The following TAF15 variants were observed in gnomAD, a reference collection of about 807,000 sequenced individuals.
The protein encoded by TAF15 is TATA-box binding protein associated factor 15, also known as TATA-binding protein-associated factor 2N.
A neutral mutation model predicts 102.5 loss-of-function variants in TAF15; 37 were observed. The ratio of observed to expected loss-of-function variants is 0.36; its 90% CI spans 0.28 to 0.47. The LOEUF (loss-of-function observed/expected upper bound fraction) is 0.47. Ranked by LOEUF, TAF15 falls within the 20% of genes least tolerant of loss-of-function variation. TAF15 has a pLI of 0.99. For missense variants in TAF15, 652 were observed against 760.7 expected (o/e 0.86, Z 1.68); for synonymous variants, 273 against 259.2 (o/e 1.05, Z -0.51).
intron 7 of TAF15, among the ~76,000 whole-genome samples, chr17:35,832,522 A>C (rs1370817785): frequency 6.6e-6 from 1 of 152,168 alleles, no homozygotes; most frequent in Admixed American, 6.5e-5. Context: ...TTTATAGGGT[A>C]GGGTAATCAC....
At position 35,820,542 on chromosome 17, in the gene TAF15, TA is replaced by T. The variant is rs967882380; in HGVS notation, c.290+108del. ...CCTAGCTTTAAACTTTTTTTTTTTTTAAAGGAAATTTTAATGGAGTGTGGAT... is the reference window on the plus strand; with the variant it reads ...CCTAGCTTTAAACTTTTTTTTTTTTTAAGGAAATTTTAATGGAGTGTGGAT... On this transcript the variant is annotated intron_variant, in intron 5 of 15. Coordinates refer to ENST00000605844, the MANE Select transcript of TAF15 (RefSeq NM_139215.3). The T allele has an allele frequency of 2.7e-4, 261 of 965,006 alleles. No homozygotes were observed. In the African/African-American group the frequency reaches 3.1e-3, roughly 11 times the overall value. The allele number at this position is 965,006 out of a possible 1,614,324, so 59.8% of individuals were successfully genotyped here. A position where few individuals can be genotyped will look rare whatever the true frequency, so the allele number is the denominator to read the frequency against.
In TAF15 at chr17:35,831,910, G is replaced by A. The variant is rs561067956; in HGVS notation, c.606-1997G>A. On this transcript the variant is annotated intron_variant, in intron 7 of 15. Transcript: ENST00000605844. ...ATCCTGGCCAACACAGTGAAACCCCGTCTCTACTAAAAATACAAAAAATTA... is the reference window on the plus strand; with the variant it reads ...ATCCTGGCCAACACAGTGAAACCCCATCTCTACTAAAAATACAAAAAATTA... Among the ~76,000 whole-genome samples, 224 of 151,528 alleles carry A rather than the reference G, an allele frequency of 1.5e-3. 1 individual carries two copies. Among genetic ancestry groups the A allele is most frequent in the African/African-American group, 5.0e-3 (206 of 41,292 alleles).
intron 1 of TAF15, chr17:35,811,367 G>A (rs945433656): frequency 1.3e-5 from 2 of 152,112 alleles, no homozygotes; most frequent in Non-Finnish European, 2.9e-5. Context: ...TTTAAAATAC[G>A]AAATTGGCTT....
intron 5 of TAF15, 51 bp downstream of exon 5, chr17:35,820,488 T>A: frequency 1.3e-6 from 2 of 1,538,854 alleles, no homozygotes; most frequent in Non-Finnish European, 1.8e-6. Flanking sequence ...GAAATAACAC[T>A]GATATTAAAC....
At chr17:35,817,495 C>A (rs1282914531) in intron 1 of TAF15, among the ~76,000 whole-genome samples, 1 of 151,890 alleles carries the variant, frequency 6.6e-6, no homozygotes, top group East Asian at 1.9e-4. Flanking sequence ...TTCTTGTGAC[C>A]CTAGCACACA....
chr17:35,815,300 T>C (rs1167227994), intron 1 of TAF15, among the ~76,000 whole-genome samples: 3 of 152,234 alleles, frequency 2.0e-5, no homozygotes, highest in South Asian at 2.1e-4. Flanking sequence ...TGTCAAATAA[T>C]CACAATGAAC....
intron 7 of TAF15, among the ~76,000 whole-genome samples, chr17:35,826,197 T>A (rs942022705): frequency 6.6e-6 from 1 of 152,190 alleles, no homozygotes; most frequent in Non-Finnish European, 1.5e-5. Flanking sequence ...CAAAATCATA[T>A]GCAGAAGTCC....
rs1317931466 is a variant in TAF15, at chr17:35,822,824, C to T, written c.475C>T (p.His159Tyr). The change falls in exon 6 of 16, where the codon CAC becomes TAC. Residue 159 changes from histidine to tyrosine, a missense_variant. His to Tyr is a moderately conservative substitution (Grantham distance 83, BLOSUM62 2). Transcript: ENST00000605844. ...TTCACAAAGGGAAAACTACAGCCAC[C>T]ACACACAAGGTAAGATTTACTGACC... ...YHSQRENYSH[H>Y]TQDDRRDVSR... 17 of 1,614,126 alleles carry T rather than the reference C, an allele frequency of 1.1e-5. No individual in the cohort carries two copies. Among genetic ancestry groups the T allele is most frequent in the Non-Finnish European group, 1.4e-5 (16 of 1,179,978 alleles).
intron 11 of TAF15, among the ~76,000 whole-genome samples, chr17:35,839,889 A>G (rs1483040511): frequency 6.6e-6 from 1 of 152,100 alleles, no homozygotes; most frequent in Non-Finnish European, 1.5e-5. Flanking sequence ...CAAATTCATC[A>G]TTTTTGTTGC....
At chr17:35,832,282 G>A (rs1457112786) in intron 7 of TAF15, among the ~76,000 whole-genome samples, 3 of 152,292 alleles carry the variant, frequency 2.0e-5, no homozygotes, top group East Asian at 3.9e-4. Flanking sequence ...TGTATAGGAA[G>A]GGCCTGAGTT....
chr17:35,836,255 TTA>T lies in TAF15; in HGVS notation c.783+18_783+19del, dbSNP rs751968033. 1.1e-4 allele frequency: 164 copies of T among 1,513,414 alleles called. No individual in the cohort carries two copies. Among genetic ancestry groups the T allele is most frequent in the Admixed American group, 1.5e-4 (9 of 59,824 alleles). The allele number at this position is 1,513,414 out of a possible 1,614,324, so 93.7% of individuals were successfully genotyped here. A position where few individuals can be genotyped will look rare whatever the true frequency, so the allele number is the denominator to read the frequency against. Reference sequence around the variant, plus strand: ...GGAATTATCAAGGTGAGTAAAAATATTATATGTTGAAAATCTCATAATTAATG... The same window carrying T: ...GGAATTATCAAGGTGAGTAAAAATATTATGTTGAAAATCTCATAATTAATG... On this transcript the variant is annotated intron_variant, in intron 10 of 15. Coordinates refer to ENST00000605844, the MANE Select transcript of TAF15 (RefSeq NM_139215.3).
intron 1 of TAF15, among the ~76,000 whole-genome samples, chr17:35,813,049 G>A (rs1019509284): frequency 1.4e-4 from 20 of 148,024 alleles, no homozygotes; most frequent in African/African-American, 4.5e-4. Context: ...ATTGGTTGAA[G>A]CTAGGAGGCA....
At chr17:35,836,857 A>T (rs2087481282) in intron 10 of TAF15, among the ~76,000 whole-genome samples, 1 of 151,620 alleles carries the variant, frequency 6.6e-6, no homozygotes, top group African/African-American at 2.4e-5. Flanking sequence ...GGCTCACTGC[A>T]GCCTCTGCCT....
At chr17:35,813,644 C>G (rs986216132) in intron 1 of TAF15, among the ~76,000 whole-genome samples, 2 of 101,682 alleles carry the variant, frequency 2.0e-5, no homozygotes, top group Admixed American at 2.1e-4. Context: ...CCCCCCCCCC[C>G]GCAAAAAAAG....
rs1321826060 is a variant in TAF15, at chr17:35,844,643, A to G, written c.1344A>G (p.Gly448=). The G allele has an allele frequency of 2.0e-4, 318 of 1,586,646 alleles. 5 individuals are homozygous for G. In the South Asian group the frequency reaches 2.1e-3, roughly 11 times the overall value. Residue 448 remains glycine, a synonymous_variant, in exon 15 of 16, where the codon GGA becomes GGG. Transcript: ENST00000605844. ...SGDRSGGGYG[G]DRSGGGYGGD... is the part of the protein sequence containing the mutation. ...ATAGAAGTGGGGGCGGCTATGGTGG[A>G]GACAGAAGTGGGGGTGGCTATGGTG...
At position 35,838,509 on chromosome 17, in the gene TAF15, T is replaced by A. The variant is rs540509097; in HGVS notation, c.869T>A (p.Phe290Tyr). The A allele has an allele frequency of 6.2e-7, 1 of 1,614,186 alleles. No homozygotes were observed. The highest frequency in any genetic ancestry group is 1.3e-5 in the African/African-American group (1 of 75,058). Residue 290 changes from phenylalanine to tyrosine, a missense_variant, in exon 11 of 16, where the codon TTT (phenylalanine) becomes TAT (tyrosine). By Grantham distance (22) the Phe-to-Tyr change is conservative. Transcript: ENST00000605844. ...CCAAAGGGGGAGGCAACAGTGTCATTTGATGACCCTCCTTCAGCTAAGGCA... is the reference window on the plus strand; with the variant it reads ...CCAAAGGGGGAGGCAACAGTGTCATATGATGACCCTCCTTCAGCTAAGGCA... ...GKPKGEATVS[F>Y]DDPPSAKAAI...
At chr17:35,820,620 T>G (rs2087247327) in intron 5 of TAF15, among the ~76,000 whole-genome samples, 183 bp downstream of exon 5, 1 of 152,166 alleles carries the variant, frequency 6.6e-6, no homozygotes, top group South Asian at 2.1e-4. Flanking sequence ...CATTTGATTC[T>G]TATGATGTAT....
chr17:35,827,686 CAA>C (rs375540414), intron 7 of TAF15, among the ~76,000 whole-genome samples: 3 of 148,530 alleles, frequency 2.0e-5, no homozygotes, highest in African/African-American at 7.5e-5. Flanking sequence ...GCCTGGGCAA[CAA>C]GAGTGAAACT....
In TAF15 at chr17:35,838,468, C is replaced by T; in HGVS notation, c.828C>T (p.Asp276=). Residue 276 remains aspartate, a synonymous_variant, in exon 11 of 16, where the codon GAC becomes GAT. Transcript: ENST00000605844. ...TGKPMINLYT[D]KDTGKPKGEA... ...AACCAATGATAAATCTTTATACAGA[C>T]AAGGACACAGGAAAGCCAAAGGGGG... 1 of 1,614,178 alleles carries T rather than the reference C, an allele frequency of 6.2e-7. No homozygotes were observed. Among genetic ancestry groups the T allele is most frequent in the Non-Finnish European group, 8.5e-7 (1 of 1,180,034 alleles).
Sources: gnomAD v4.1 joint callset for allele counts (sites outside exome capture counted in the v4.1 genomes callset) on GRCh38, gnomAD v4.1.1 for gene constraint, MANE v1.5 for transcripts, NCBI Gene and HGNC (gene_info 2026-07-23, HGNC 2026-07-21) for gene names.